Variants in FYN observed in about 807,000 individuals in gnomAD.
The protein encoded by FYN is tyrosine-protein kinase Fyn.
FYN carries 10 observed loss-of-function variants against 70.2 expected under a neutral mutation model. That is an observed-to-expected ratio of 0.14 (90% CI 0.09 to 0.24). The LOEUF (loss-of-function observed/expected upper bound fraction) is 0.24. FYN is among the 10% of genes least tolerant of loss of function. The pLI is 1.00. For missense variants in FYN, 319 were observed against 673.1 expected (o/e 0.47, Z 5.82); for synonymous variants, 236 against 248.6 (o/e 0.95, Z 0.48).
chr6:111,704,003 G>C lies in FYN; in HGVS notation c.543C>G (p.Thr181=), dbSNP rs1210733226. 1 of 1,610,860 alleles carries C rather than the reference G, an allele frequency of 6.2e-7. No homozygotes were observed. Residue 181 remains threonine (T), a synonymous_variant, in exon 7 of 14, where the codon ACC becomes ACG. Transcript: ENST00000354650. The stretch of plus-strand genomic sequence containing the variant: ...TTCTTCAACTCGTTATCTTACCTTT[G>C]GTGGTTTCACTCTCGCGGATAAGAA... ...GTFLIRESET[T]KGAYSLSIRD...
chr6:111,748,778 G>A (rs752420944), intron 3 of FYN, among the ~76,000 whole-genome samples: 3 of 152,032 alleles, frequency 2.0e-5, no homozygotes, highest in African/African-American at 2.4e-5. Context: ...TACACAGGTC[G>A]TCTTAAATTT....
chr6:111,829,992 T>C (rs1416760978), intron 2 of FYN, among the ~76,000 whole-genome samples: 2 of 152,214 alleles, frequency 1.3e-5, no homozygotes, highest in African/African-American at 4.8e-5. Context: ...ATTTCCTTTG[T>C]AGTATTCTCC....
At chr6:111,757,104 AAG>A (rs1802772717) in intron 3 of FYN, among the ~76,000 whole-genome samples, 1 of 152,216 alleles carries the variant, frequency 6.6e-6, no homozygotes, top group South Asian at 2.1e-4. Context: ...CAGAAAAACT[AAG>A]AGAATACAGA....
At chr6:111,689,729 C>T (rs1799218800) in intron 12 of FYN, among the ~76,000 whole-genome samples, 1 of 152,026 alleles carries the variant, frequency 6.6e-6, no homozygotes, top group Admixed American at 6.5e-5. Flanking sequence ...GCAAAACTTA[C>T]CAATCTATGG....
chr6:111,813,029 A>C (rs1772375886), intron 2 of FYN, among the ~76,000 whole-genome samples: 1 of 152,172 alleles, frequency 6.6e-6, no homozygotes, highest in African/African-American at 2.4e-5. Flanking sequence ...ATAATTACTT[A>C]ATTCATTAAA....
At chr6:111,794,885 C>A (rs1365899703) in intron 2 of FYN, among the ~76,000 whole-genome samples, 1 of 152,170 alleles carries the variant, frequency 6.6e-6, no homozygotes, top group Non-Finnish European at 1.5e-5. Flanking sequence ...GATGTCCACT[C>A]TGATTCTTAC....
intron 13 of FYN, among the ~76,000 whole-genome samples, chr6:111,667,182 C>T (rs1798048891): frequency 6.6e-6 from 1 of 152,028 alleles, no homozygotes; most frequent in South Asian, 2.1e-4. Context: ...TTCCCTATTC[C>T]ACTTCTTTGA....
chr6:111,662,613 A>T (rs1481287665), intron 13 of FYN, among the ~76,000 whole-genome samples: 1 of 152,236 alleles, frequency 6.6e-6, no homozygotes, highest in East Asian at 1.9e-4. Context: ...ACTGACAACA[A>T]TATATGAATA....
chr6:111,725,846 T>C (rs984411233), intron 3 of FYN, among the ~76,000 whole-genome samples: 2 of 152,222 alleles, frequency 1.3e-5, no homozygotes, highest in Non-Finnish European at 2.9e-5. Context: ...GATTTATGAA[T>C]GATGGGGTAG....
chr6:111,733,804 C>T (rs968540045), intron 3 of FYN, among the ~76,000 whole-genome samples: 1 of 152,114 alleles, frequency 6.6e-6, no homozygotes, highest in African/African-American at 2.4e-5. Context: ...AGTGGGCTTC[C>T]AAGCCAGGCA....
chr6:111,795,210 A>G (rs1771766199), intron 2 of FYN, among the ~76,000 whole-genome samples: 1 of 152,232 alleles, frequency 6.6e-6, no homozygotes, highest in Non-Finnish European at 1.5e-5. Flanking sequence ...GCCTTTAAAG[A>G]GGTAACAGAG....
At chr6:111,730,547 T>C (rs1801400669) in intron 3 of FYN, among the ~76,000 whole-genome samples, 1 of 152,146 alleles carries the variant, frequency 6.6e-6, no homozygotes, top group Non-Finnish European at 1.5e-5. Flanking sequence ...CAAAGCACTT[T>C]TGTTCTTTGG....
intron 2 of FYN, among the ~76,000 whole-genome samples, chr6:111,827,854 G>C (rs1317113623): frequency 6.6e-6 from 1 of 152,116 alleles, no homozygotes; most frequent in Non-Finnish European, 1.5e-5. Context: ...TGGGGGAAAC[G>C]GTGGATTCTG....
At chr6:111,825,514 C>A (rs527582353) in intron 2 of FYN, among the ~76,000 whole-genome samples, 18 of 152,322 alleles carry the variant, frequency 1.2e-4, no homozygotes, top group African/African-American at 1.4e-4. Context: ...ACCTACCACA[C>A]AGGATTTCTG....
intron 3 of FYN, chr6:111,759,999 T>C (rs1802932159): frequency 6.6e-6 from 1 of 151,910 alleles, no homozygotes; most frequent in Non-Finnish European, 1.5e-5. Context: ...TTTTTTTTTT[T>C]CTGGGCCTCT....
chr6:111,709,600 G>C (rs571409288), intron 5 of FYN, among the ~76,000 whole-genome samples: 1 of 152,254 alleles, frequency 6.6e-6, no homozygotes, highest in African/African-American at 2.4e-5. Flanking sequence ...TACAAATCCA[G>C]CAAAAGTACA....
At chr6:111,672,954 T>G (rs1367527411) in intron 13 of FYN, among the ~76,000 whole-genome samples, 1 of 152,140 alleles carries the variant, frequency 6.6e-6, no homozygotes, top group Non-Finnish European at 1.5e-5. Context: ...TTGGTTTCTG[T>G]GTGAGACCCT....
At chr6:111,677,947 C>G (rs1398529508) in intron 12 of FYN, among the ~76,000 whole-genome samples, 1 of 152,120 alleles carries the variant, frequency 6.6e-6, no homozygotes, top group Non-Finnish European at 1.5e-5. Flanking sequence ...AGGTAATGAT[C>G]ATCTATGTCA....
intron 12 of FYN, among the ~76,000 whole-genome samples, chr6:111,680,849 C>T (rs1389633170): frequency 2.0e-5 from 3 of 152,106 alleles, no homozygotes; most frequent in Non-Finnish European, 2.9e-5. Flanking sequence ...ATGAGAAATG[C>T]ATGAATTATT....
Sources: allele counts gnomAD v4.1 joint callset (sites outside exome capture counted in the v4.1 genomes callset), GRCh38; gene constraint gnomAD v4.1.1; transcripts MANE v1.5; gene names NCBI Gene and HGNC (gene_info 2026-07-23, HGNC 2026-07-21).